Variants in LRMDA observed in about 807,000 individuals in gnomAD.
LRMDA encodes leucine rich melanocyte differentiation associated.
LRMDA carries 18 observed loss-of-function variants against 29.8 expected under a neutral mutation model. That is an observed-to-expected ratio of 0.60 (90% CI 0.42 to 0.90). The LOEUF is 0.90. Ranked by LOEUF, LRMDA falls within the 40% of genes least tolerant of loss-of-function variation. LRMDA has a pLI of 0.00. For missense variants in LRMDA, 273 were observed against 273.9 expected (o/e 1.00, Z 0.02); for synonymous variants, 125 against 109.4 (o/e 1.14, Z -0.89).
chr10:75,889,928 G>A (rs927089514), intron 2 of LRMDA, among the ~76,000 whole-genome samples: 1 of 152,208 alleles, frequency 6.6e-6, no homozygotes. Flanking sequence ...AAGACTCTAA[G>A]ACTGGGACCT....
chr10:76,323,259 A>G (rs1373402277), intron 5 of LRMDA, among the ~76,000 whole-genome samples: 1 of 152,170 alleles, frequency 6.6e-6, no homozygotes, highest in Non-Finnish European at 1.5e-5. Context: ...AATGTCAGAA[A>G]TGAAATTTAA....
At position 75,532,219 on chromosome 10, in the gene LRMDA, G is replaced by C. The variant is rs1845485689; in HGVS notation, c.131+93725G>C. ...CCTAACATCTCAGATTTGTTTGCCTGCTAGAAGTTTGACTTTTCAGCCAGA... is the reference window on the plus strand; with the variant it reads ...CCTAACATCTCAGATTTGTTTGCCTCCTAGAAGTTTGACTTTTCAGCCAGA... On this transcript the variant is annotated intron_variant, in intron 2 of 6. Coordinates refer to ENST00000611255, the MANE Select transcript of LRMDA (RefSeq NM_001305581.2). Among the ~76,000 whole-genome samples, 3 of 152,124 alleles carry C rather than the reference G, an allele frequency of 2.0e-5. No homozygotes were observed. In the South Asian group the frequency reaches 6.2e-4, roughly 31 times the overall value.
At chr10:75,811,258 C>T (rs1448051270) in intron 2 of LRMDA, among the ~76,000 whole-genome samples, 5 of 152,094 alleles carry the variant, frequency 3.3e-5, no homozygotes, top group Non-Finnish European at 5.9e-5. Context: ...TCACACTTTC[C>T]TCTCCTTCAT....
chr10:75,470,393 A>G (rs1344588093), intron 2 of LRMDA, among the ~76,000 whole-genome samples: 1 of 152,162 alleles, frequency 6.6e-6, no homozygotes, highest in East Asian at 1.9e-4. Flanking sequence ...GCTACTGGAG[A>G]GGCTGATGCA....
At chr10:76,112,847 T>G (rs183714639) in intron 5 of LRMDA, among the ~76,000 whole-genome samples, 1 of 152,232 alleles carries the variant, frequency 6.6e-6, no homozygotes, top group Non-Finnish European at 1.5e-5. Flanking sequence ...CTCTTTTTTC[T>G]TTTTGCATTG....
At chr10:75,905,509 T>C (rs1364794328) in intron 2 of LRMDA, among the ~76,000 whole-genome samples, 1 of 152,004 alleles carries the variant, frequency 6.6e-6, no homozygotes, top group Non-Finnish European at 1.5e-5. Flanking sequence ...CTTTAAAAAT[T>C]ATATGAATGT....
chr10:75,763,212 A>G (rs905814073), intron 2 of LRMDA, among the ~76,000 whole-genome samples: 3 of 152,250 alleles, frequency 2.0e-5, no homozygotes, highest in African/African-American at 7.2e-5. Flanking sequence ...TATAGGAAAT[A>G]TAGTGAATAA....
At chr10:76,197,412 C>T (rs1459012280) in intron 5 of LRMDA, among the ~76,000 whole-genome samples, 1 of 152,108 alleles carries the variant, frequency 6.6e-6, no homozygotes, top group Non-Finnish European at 1.5e-5. Context: ...TGAATTGATT[C>T]ATACAAACTA....
intron 5 of LRMDA, among the ~76,000 whole-genome samples, chr10:76,106,830 A>G (rs911652784): frequency 1.3e-4 from 20 of 152,194 alleles, no homozygotes; most frequent in African/African-American, 4.8e-4. Context: ...TAGCGACAGA[A>G]GGTGCCATTA....
Position 76,400,443 on chromosome 10 carries a change from G to T in LRMDA, c.601+75958G>T, listed in dbSNP as rs574139237. On this transcript the variant is annotated intron_variant, in intron 6 of 6. Coordinates refer to ENST00000611255, the MANE Select transcript of LRMDA (RefSeq NM_001305581.2). ...TAAGCTGTTAGATTTGTGGTAATTT[G>T]TTACCTAATATTAGACAGCTGTATC... is the stretch of plus-strand genomic sequence containing the variant. 1.6e-4 allele frequency among the ~76,000 whole-genome samples: 25 copies of T among 152,288 alleles called. No individual in the cohort carries two copies. In the Middle Eastern group the frequency reaches 0.01, roughly 62 times the overall value.
intron 1 of LRMDA, among the ~76,000 whole-genome samples, chr10:75,435,635 A>G (rs1336903162): frequency 1.3e-5 from 2 of 152,180 alleles, no homozygotes; most frequent in East Asian, 3.9e-4. Context: ...TCTTCCTGGG[A>G]TGTTGTATAG....
chr10:75,499,419 T>C (rs1420039108), intron 2 of LRMDA, among the ~76,000 whole-genome samples: 4 of 152,206 alleles, frequency 2.6e-5, no homozygotes, highest in Admixed American at 6.5e-5. Context: ...TCTGGCTTCG[T>C]ACTCCCCAGC....
chr10:76,189,370 T>C (rs1309261028), intron 5 of LRMDA, among the ~76,000 whole-genome samples: 1 of 151,858 alleles, frequency 6.6e-6, no homozygotes. Context: ...AAAAAAAAAG[T>C]TTTTATTCTT....
chr10:76,458,019 T>A (rs1322039870), intron 6 of LRMDA, among the ~76,000 whole-genome samples: 24 of 151,418 alleles, frequency 1.6e-4, no homozygotes, highest in Admixed American at 1.6e-3. Context: ...ATAGGAGGTG[T>A]CCCCCTCAAC....
intron 5 of LRMDA, among the ~76,000 whole-genome samples, chr10:76,206,181 C>T (rs1204175243): frequency 1.3e-5 from 2 of 152,180 alleles, no homozygotes; most frequent in African/African-American, 4.8e-5. Context: ...TGTGCTGCCT[C>T]ATCTCCAGCT....
At chr10:75,997,078 T>C (rs376462175) in intron 2 of LRMDA, among the ~76,000 whole-genome samples, 150 of 152,336 alleles carry the variant, frequency 9.8e-4, no homozygotes, top group African/African-American at 3.4e-3. Context: ...AAATAATGCA[T>C]ATTCATTATA....
intron 6 of LRMDA, among the ~76,000 whole-genome samples, chr10:76,357,885 C>T (rs1192184081): frequency 6.6e-6 from 1 of 152,126 alleles, no homozygotes; most frequent in Non-Finnish European, 1.5e-5. Context: ...ATGCTAGGTA[C>T]CATGGGACTG....
chr10:75,825,386 C>T (rs1844231379), intron 2 of LRMDA, among the ~76,000 whole-genome samples: 1 of 152,162 alleles, frequency 6.6e-6, no homozygotes, highest in Admixed American at 6.5e-5. Flanking sequence ...GGGCGCTAGG[C>T]ACGTGATTTA....
intron 2 of LRMDA, among the ~76,000 whole-genome samples, chr10:75,753,672 G>A (rs1842993096): frequency 6.6e-6 from 1 of 152,340 alleles, no homozygotes; most frequent in South Asian, 2.1e-4. Context: ...GTTTGGCTTT[G>A]ATTCTAAGGG....
Sources: allele counts gnomAD v4.1 joint callset (sites outside exome capture counted in the v4.1 genomes callset), GRCh38; gene constraint gnomAD v4.1.1; transcripts MANE v1.5; gene names NCBI Gene and HGNC (gene_info 2026-07-23, HGNC 2026-07-21).